Variants in CNTN5 observed in about 807,000 individuals in gnomAD.
CNTN5 encodes the protein contactin-5.
In CNTN5, 77 loss-of-function variants were observed where a neutral mutation model predicts 129.1. The ratio of observed to expected loss-of-function variants is 0.60; its 90% CI spans 0.50 to 0.72. The LOEUF is 0.72. Among genes scored for constraint, CNTN5 ranks in the 30% least tolerant of loss-of-function variants. The pLI, the probability that CNTN5 is intolerant of heterozygous loss-of-function variation, is 0.00. For synonymous variants in CNTN5, 509 were observed against 465.6 expected (o/e 1.09, Z -1.20); for missense variants, 1,478 against 1,328.8 (o/e 1.11, Z -1.75).
intron 2 of CNTN5, among the ~76,000 whole-genome samples, chr11:99,532,328 T>C (rs10893468): frequency 0.25 from 37,248 of 152,012 alleles, 5,019 homozygotes; most frequent in Non-Finnish European, 0.31. Flanking sequence ...ACCCCATTGT[T>C]TCTAGGAAGT....
intron 3 of CNTN5, among the ~76,000 whole-genome samples, chr11:99,640,497 A>G (rs1008894322): frequency 2.0e-5 from 3 of 152,126 alleles, no homozygotes; most frequent in African/African-American, 4.8e-5. Context: ...CCATGATTCA[A>G]TTACCTCCTG....
chr11:99,462,334 TTTTTTTTC>T (rs1383127190), intron 2 of CNTN5, among the ~76,000 whole-genome samples: 12 of 144,818 alleles, frequency 8.3e-5, no homozygotes, highest in African/African-American at 2.5e-4. Context: ...TTTTTCTTTC[TTTTTTTTC>T]TTTTTTTCTT....
intron 2 of CNTN5, among the ~76,000 whole-genome samples, chr11:99,431,695 CAGG>C (rs774474302): frequency 3.3e-5 from 5 of 152,114 alleles, no homozygotes; most frequent in Non-Finnish European, 7.4e-5. Context: ...GTATCTGAGA[CAGG>C]AGGTCTTAAT....
chr11:100,053,038 T>TA (rs1436776826), intron 9 of CNTN5, among the ~76,000 whole-genome samples: 2 of 151,706 alleles, frequency 1.3e-5, no homozygotes, highest in Admixed American at 1.3e-4. Flanking sequence ...TCCTGTACCA[T>TA]AAACAGCAAA....
At chr11:99,243,489 G>A (rs1027442259) in intron 1 of CNTN5, among the ~76,000 whole-genome samples, 5 of 151,988 alleles carry the variant, frequency 3.3e-5, no homozygotes, top group Admixed American at 3.3e-4. Flanking sequence ...GTCAATTGTA[G>A]TTTTTGTTGC....
chr11:100,071,681 C>G (rs200579937), intron 11 of CNTN5, 24 bp from the exon 12 acceptor site: 142 of 1,520,746 alleles, frequency 9.3e-5, no homozygotes, highest in Non-Finnish European at 1.2e-4. Context: ...CTTTCTAGAT[C>G]TAATTTTTTT....
At chr11:100,022,065 T>C (rs2084151582) in intron 9 of CNTN5, among the ~76,000 whole-genome samples, 1 of 152,136 alleles carries the variant, frequency 6.6e-6, no homozygotes, top group Admixed American at 6.5e-5. Context: ...GGGTGGGTCT[T>C]CCTCTCCCAG....
At chr11:99,272,950 C>T (rs1039487813) in intron 1 of CNTN5, among the ~76,000 whole-genome samples, 1 of 151,768 alleles carries the variant, frequency 6.6e-6, no homozygotes, top group East Asian at 1.9e-4. Context: ...GAATTAAGAA[C>T]TTTACATTGA....
At chr11:100,226,007 TG>T (rs1404115367) in intron 16 of CNTN5, among the ~76,000 whole-genome samples, 1 of 152,016 alleles carries the variant, frequency 6.6e-6, no homozygotes, top group Non-Finnish European at 1.5e-5. Context: ...ATTGGGTGAT[TG>T]GTAGTTTGTT....
chr11:99,978,529 T>C (rs1442169420), intron 8 of CNTN5, among the ~76,000 whole-genome samples: 1 of 152,198 alleles, frequency 6.6e-6, no homozygotes, highest in Non-Finnish European at 1.5e-5. Context: ...ATTTATATCA[T>C]ATTTTATCAT....
At chr11:100,117,819 T>C (rs1945888607) in intron 13 of CNTN5, among the ~76,000 whole-genome samples, 1 of 151,754 alleles carries the variant, frequency 6.6e-6, no homozygotes, top group African/African-American at 2.4e-5. Context: ...GTGGATAACA[T>C]TTACTTGAAT....
chr11:99,238,270 A>C (rs1159830332), intron 1 of CNTN5, among the ~76,000 whole-genome samples: 1 of 152,186 alleles, frequency 6.6e-6, no homozygotes, highest in Non-Finnish European at 1.5e-5. Context: ...TAATGCCTAT[A>C]ATGGAGTTAA....
At chr11:100,343,642 C>T (rs1278408380) in intron 23 of CNTN5, among the ~76,000 whole-genome samples, 1 of 152,110 alleles carries the variant, frequency 6.6e-6, no homozygotes, top group Non-Finnish European at 1.5e-5. Context: ...ACCCAGAGAA[C>T]ACAAGCTTGG....
At chr11:99,404,210 T>C (rs1301066428) in intron 2 of CNTN5, among the ~76,000 whole-genome samples, 1 of 152,068 alleles carries the variant, frequency 6.6e-6, no homozygotes, top group East Asian at 1.9e-4. Flanking sequence ...TCATGGAATT[T>C]ATTTTTTCAT....
intron 8 of CNTN5, among the ~76,000 whole-genome samples, chr11:99,980,423 T>C (rs1457520225): frequency 1.3e-5 from 2 of 152,192 alleles, no homozygotes; most frequent in African/African-American, 4.8e-5. Context: ...CCAAAGACTT[T>C]TCAGGGTTAG....
intron 6 of CNTN5, among the ~76,000 whole-genome samples, chr11:99,869,142 A>G (rs959050951): frequency 6.6e-6 from 1 of 152,210 alleles, no homozygotes; most frequent in Non-Finnish European, 1.5e-5. Flanking sequence ...GATAACTTTA[A>G]AAGGATCATT....
chr11:99,935,876 G>A (rs1034315108), intron 7 of CNTN5, among the ~76,000 whole-genome samples: 1 of 152,138 alleles, frequency 6.6e-6, no homozygotes, highest in African/African-American at 2.4e-5. Flanking sequence ...AGAGGAGGTT[G>A]TGTGTAGAGC....
At chr11:99,114,092 G>A (rs1419899475) in intron 1 of CNTN5, among the ~76,000 whole-genome samples, 2 of 151,956 alleles carry the variant, frequency 1.3e-5, no homozygotes, top group African/African-American at 2.4e-5. Flanking sequence ...TCTGTACAAG[G>A]GATGATACTA....
At chr11:99,435,965 C>T (rs1220387137) in intron 2 of CNTN5, among the ~76,000 whole-genome samples, 4 of 152,134 alleles carry the variant, frequency 2.6e-5, no homozygotes, top group Admixed American at 6.6e-5. Flanking sequence ...TTAAAAAGGT[C>T]GTATTCAACT....
Sources: allele counts gnomAD v4.1 joint callset (sites outside exome capture counted in the v4.1 genomes callset), GRCh38; gene constraint gnomAD v4.1.1; transcripts MANE v1.5; gene names NCBI Gene and HGNC (gene_info 2026-07-23, HGNC 2026-07-21).